NEO1: variants seen among roughly 807,000 people sequenced by gnomAD.
The protein encoded by NEO1 is neogenin.
In NEO1, 63 loss-of-function variants were observed where a neutral mutation model predicts 159.7. The observed-to-expected ratio is 0.39, with a 90% confidence interval of 0.32 to 0.49. The LOEUF (loss-of-function observed/expected upper bound fraction) is 0.49. NEO1 is among the 20% of genes least tolerant of loss of function. The pLI, the probability that NEO1 is intolerant of heterozygous loss-of-function variation, is 0.85. For synonymous variants in NEO1, 633 were observed against 662.0 expected, an observed-to-expected ratio of 0.96 and a Z score of 0.67; for missense variants, 1,615 against 1,831.0, an observed-to-expected ratio of 0.88 and a Z score of 2.15.
chr15:73,128,111 A>G (rs990754145), intron 4 of NEO1, among the ~76,000 whole-genome samples: 4 of 152,186 alleles, frequency 2.6e-5, no homozygotes, highest in East Asian at 1.9e-4. Flanking sequence ...ATCCTCCCCA[A>G]TATCACCTGA....
intron 7 of NEO1, among the ~76,000 whole-genome samples, chr15:73,233,153 A>T (rs1263715068): frequency 1.3e-5 from 2 of 152,178 alleles, no homozygotes; most frequent in Non-Finnish European, 2.9e-5. Flanking sequence ...CTGTGATAAC[A>T]TAAGTTGCTT....
At chr15:73,100,366 A>G (rs896079746) in intron 1 of NEO1, among the ~76,000 whole-genome samples, 2 of 147,614 alleles carry the variant, frequency 1.4e-5, no homozygotes, top group Non-Finnish European at 3.0e-5. Flanking sequence ...ATGGAATCTC[A>G]CTCTGTTGCC....
In NEO1 at chr15:73,253,148, A is replaced by C. The variant is rs367710001; in HGVS notation, c.1895-252A>C. On this transcript the variant is annotated intron_variant, in intron 11 of 28. Coordinates refer to ENST00000261908, the MANE Select transcript of NEO1 (RefSeq NM_002499.4). ...CCTTGAAATAAATATCTGACTTCCC[A>C]AAGGTACAGCCTGGCTTGGGTGTAG... Among the ~76,000 whole-genome samples, 24 of 152,296 alleles carry C rather than the reference A, an allele frequency of 1.6e-4. No homozygotes were observed. In the East Asian group the frequency reaches 4.2e-3, roughly 27 times the overall value.
At chr15:73,139,284 A>G (rs991055803) in intron 5 of NEO1, among the ~76,000 whole-genome samples, 1 of 152,138 alleles carries the variant, frequency 6.6e-6, no homozygotes, top group African/African-American at 2.4e-5. Context: ...TTTTTTGGAT[A>G]TGACCCCAGA....
At chr15:73,065,558 G>A (rs1020337835) in intron 1 of NEO1, among the ~76,000 whole-genome samples, 6 of 152,132 alleles carry the variant, frequency 3.9e-5, no homozygotes, top group Non-Finnish European at 5.9e-5. Flanking sequence ...TTTCTAGTAA[G>A]AAGTCAACTG....
chr15:73,230,633 C>T (rs1165694850), intron 7 of NEO1, among the ~76,000 whole-genome samples: 1 of 152,168 alleles, frequency 6.6e-6, no homozygotes, highest in Non-Finnish European at 1.5e-5. Context: ...CACAATCACC[C>T]AGGCTGGACT....
intron 5 of NEO1, among the ~76,000 whole-genome samples, chr15:73,171,392 C>G (rs975272580): frequency 6.6e-6 from 1 of 151,804 alleles, no homozygotes; most frequent in Non-Finnish European, 1.5e-5. Flanking sequence ...GTGAGACCTC[C>G]TCTGTATTAA....
chr15:73,121,399 T>C (rs887000205), intron 2 of NEO1, among the ~76,000 whole-genome samples: 1 of 152,234 alleles, frequency 6.6e-6, no homozygotes, highest in African/African-American at 2.4e-5. Context: ...GAAGTAATGC[T>C]GTGTTCTCAG....
At chr15:73,055,010 A>G (rs2067632522) in intron 1 of NEO1, among the ~76,000 whole-genome samples, 2 of 152,202 alleles carry the variant, frequency 1.3e-5, no homozygotes, top group African/African-American at 4.8e-5. Context: ...ATGTGGGACA[A>G]TAGGATAAAT....
chr15:73,162,298 G>A (rs1210842236), intron 5 of NEO1: 1 of 213,196 alleles, frequency 4.7e-6, no homozygotes, highest in African/African-American at 2.3e-5. Context: ...GGCCATGGGT[G>A]GTGTTATTTC....
intron 1 of NEO1, among the ~76,000 whole-genome samples, chr15:73,115,777 G>A (rs1275018430): frequency 6.6e-6 from 1 of 152,124 alleles, no homozygotes; most frequent in Non-Finnish European, 1.5e-5. Context: ...TTTAAATTTT[G>A]TTCTTCCCAT....
At chr15:73,178,134 C>G (rs551960444) in intron 6 of NEO1, among the ~76,000 whole-genome samples, 173 bp from the exon 7 acceptor site, 3 of 152,180 alleles carry the variant, frequency 2.0e-5, no homozygotes, top group African/African-American at 7.2e-5. Flanking sequence ...TAAATTGGTA[C>G]CTTGCCAATG....
At chr15:73,213,736 G>T (rs1021495594) in intron 7 of NEO1, among the ~76,000 whole-genome samples, 4 of 152,174 alleles carry the variant, frequency 2.6e-5, no homozygotes, top group African/African-American at 9.7e-5. Context: ...ACGTGCACAT[G>T]AAAGTATCTT....
At position 73,096,473 on chromosome 15, in the gene NEO1, G is replaced by A. The variant is rs571327153; in HGVS notation, c.131-20067G>A. On this transcript the variant is annotated intron_variant, in intron 1 of 28. Transcript: ENST00000261908. ...GCTACCAAGAGGTGGAAGTGGTGCAGTCAAAGCAAATGCAGACCAGTCAAG... is the reference window on the plus strand; with the variant it reads ...GCTACCAAGAGGTGGAAGTGGTGCAATCAAAGCAAATGCAGACCAGTCAAG... Among the ~76,000 whole-genome samples the A allele has an allele frequency of 3.9e-5, 6 of 152,342 alleles. No individual in the cohort carries two copies. In the East Asian group the frequency reaches 1.2e-3, roughly 29 times the overall value.
At chr15:73,189,886 C>T (rs2036146723) in intron 7 of NEO1, among the ~76,000 whole-genome samples, 1 of 152,280 alleles carries the variant, frequency 6.6e-6, no homozygotes, top group African/African-American at 2.4e-5. Context: ...TTAATCAAAA[C>T]ATTTAAAATA....
chr15:73,238,885 G>A (rs1244955123), intron 8 of NEO1, among the ~76,000 whole-genome samples: 1 of 152,046 alleles, frequency 6.6e-6, no homozygotes, highest in Non-Finnish European at 1.5e-5. Context: ...GTCTCGCTGG[G>A]TCACCCAGGC....
At chr15:73,249,038 T>A (rs367764938) in intron 9 of NEO1, 22 bp from the exon 10 acceptor site, 4 of 1,612,540 alleles carry the variant, frequency 2.5e-6, no homozygotes, top group Non-Finnish European at 3.4e-6. Context: ...TATATCTTGC[T>A]TTCTCGAACT....
At chr15:73,283,814 C>A (rs2041830778) in intron 23 of NEO1, among the ~76,000 whole-genome samples, 1 of 152,124 alleles carries the variant, frequency 6.6e-6, no homozygotes, top group Admixed American at 6.5e-5. Context: ...TGTCACAGCA[C>A]AAATGCCAGC....
At chr15:73,100,233 C>T (rs1475224781) in intron 1 of NEO1, among the ~76,000 whole-genome samples, 2 of 152,106 alleles carry the variant, frequency 1.3e-5, no homozygotes, top group East Asian at 1.9e-4. Flanking sequence ...AGTCTCCAGT[C>T]GTTCCAGGTT....
Sources: allele counts gnomAD v4.1 joint callset (sites outside exome capture counted in the v4.1 genomes callset), GRCh38; gene constraint gnomAD v4.1.1; transcripts MANE v1.5; gene names NCBI Gene and HGNC (gene_info 2026-07-23, HGNC 2026-07-21).